The following EXOC4 variants were observed in gnomAD, a reference collection of about 807,000 sequenced individuals.
EXOC4 encodes SEC8-like 1.
Under a neutral mutation model 107.2 loss-of-function variants are expected in EXOC4, and 71 were observed. The ratio of observed to expected loss-of-function variants is 0.66; its 90% confidence interval spans 0.55 to 0.81. The LOEUF (loss-of-function observed/expected upper bound fraction) is 0.81. EXOC4 is among the 30% of genes least tolerant of loss of function. The pLI is 0.00. For missense variants in EXOC4, 1,108 were observed against 1,189.6 expected (o/e 0.93, Z 1.01); for synonymous variants, 456 against 441.2 (o/e 1.03, Z -0.42).
chr7:133,389,446 G>T (rs1199228208), intron 7 of EXOC4, among the ~76,000 whole-genome samples: 1 of 151,804 alleles, frequency 6.6e-6, no homozygotes, highest in Non-Finnish European at 1.5e-5. Flanking sequence ...GGTGGTGGGT[G>T]CCTGTAATCC....
At chr7:133,500,601 T>C (rs1296957443) in intron 9 of EXOC4, among the ~76,000 whole-genome samples, 4 of 152,198 alleles carry the variant, frequency 2.6e-5, no homozygotes, top group African/African-American at 9.6e-5. Flanking sequence ...GCCCTGAACA[T>C]TTGTGTGCAG....
At chr7:133,462,709 C>T (rs1419666862) in intron 7 of EXOC4, among the ~76,000 whole-genome samples, 1 of 152,006 alleles carries the variant, frequency 6.6e-6, no homozygotes, top group African/African-American at 2.4e-5. Context: ...ACCTGATGTA[C>T]AGCTAACATT....
intron 9 of EXOC4, among the ~76,000 whole-genome samples, chr7:133,486,015 G>A (rs1015590675): frequency 6.6e-6 from 1 of 152,046 alleles, no homozygotes; most frequent in African/African-American, 2.4e-5. Flanking sequence ...TACCTTTAGA[G>A]TGCCATTTTT....
chr7:133,936,471 G>A (rs577123224), intron 13 of EXOC4, among the ~76,000 whole-genome samples: 1 of 152,236 alleles, frequency 6.6e-6, no homozygotes, highest in South Asian at 2.1e-4. Flanking sequence ...GCTTGTTCTA[G>A]TTAAATTAAG....
intron 10 of EXOC4, among the ~76,000 whole-genome samples, chr7:133,681,432 G>A (rs1794184483): frequency 6.6e-6 from 1 of 152,014 alleles, no homozygotes; most frequent in Non-Finnish European, 1.5e-5. Context: ...AGAAAGGTCT[G>A]TAGTTGTGAC....
At chr7:133,324,980 CTT>C (rs969050096) in intron 5 of EXOC4, among the ~76,000 whole-genome samples, 22 of 152,120 alleles carry the variant, frequency 1.4e-4, no homozygotes, top group African/African-American at 5.1e-4. Context: ...TTCTTTGTCT[CTT>C]TTGATCTTTG....
chr7:133,973,348 A>G (rs1235299045), intron 14 of EXOC4, among the ~76,000 whole-genome samples: 1 of 152,220 alleles, frequency 6.6e-6, no homozygotes, highest in Non-Finnish European at 1.5e-5. Context: ...TGAAGGGTAA[A>G]TAGTAATAAG....
At chr7:133,560,317 G>A (rs562329852) in intron 9 of EXOC4, among the ~76,000 whole-genome samples, 53 of 152,024 alleles carry the variant, frequency 3.5e-4, no homozygotes, top group East Asian at 1.7e-3. Context: ...CAGAGTCTCC[G>A]TCTGTGGCCC....
intron 10 of EXOC4, among the ~76,000 whole-genome samples, chr7:133,674,424 C>G (rs752364756): frequency 1.3e-5 from 2 of 152,112 alleles, no homozygotes; most frequent in South Asian, 4.1e-4. Context: ...AATTTTATCA[C>G]GATAATTACA....
intron 7 of EXOC4, among the ~76,000 whole-genome samples, chr7:133,459,560 T>C (rs541929129): frequency 6.6e-6 from 1 of 152,164 alleles, no homozygotes; most frequent in South Asian, 2.1e-4. Flanking sequence ...GGGTGAAGTT[T>C]GTTGGGGCAG....
intron 14 of EXOC4, among the ~76,000 whole-genome samples, chr7:133,963,341 T>C (rs567586888): frequency 1.8e-4 from 28 of 152,314 alleles, no homozygotes; most frequent in African/African-American, 6.5e-4. Flanking sequence ...GGGTATACAT[T>C]AAGGGTTTAG....
chr7:133,425,620 G>A (rs1271354927), intron 7 of EXOC4, among the ~76,000 whole-genome samples: 2 of 152,108 alleles, frequency 1.3e-5, no homozygotes, highest in African/African-American at 4.8e-5. Context: ...TGAAAGACTG[G>A]CTCAGGTCAT....
In EXOC4 at chr7:133,397,888, T is replaced by G. The variant is rs538355639; in HGVS notation, c.1182+22886T>G. Among the ~76,000 whole-genome samples the G allele has an allele frequency of 3.3e-5, 5 of 152,344 alleles. No homozygotes were observed. The East Asian group carries it at 9.6e-4, about 29-fold the overall frequency. On this transcript the variant is annotated intron_variant, in intron 7 of 17. Coordinates refer to ENST00000253861, the MANE Select transcript of EXOC4 (RefSeq NM_021807.4). ...CCCCACATTTATAATGCCATTATTA[T>G]TCTTAGTTTGTAGGTGACAAAAATG...
Position 133,857,160 on chromosome 7 carries a change from A to G in EXOC4, c.1735-38439A>G, listed in dbSNP as rs373087981. ...TATACACATACACGTATATATATAT[A>G]TATATATATATATATATATATATAT... On this transcript the variant is annotated intron_variant, in intron 11 of 17. Transcript: ENST00000253861. Among the ~76,000 whole-genome samples, 30 of 9,772 alleles carry G rather than the reference A, an allele frequency of 3.1e-3. 1 individual carries two copies. In the South Asian group the frequency reaches 0.032, roughly 10 times the overall value. The allele number at this position is 9,772 out of a possible 152,430, so 6.4% of individuals were successfully genotyped here.
At chr7:133,477,091 C>T (rs1350808283) in intron 8 of EXOC4, among the ~76,000 whole-genome samples, 1 of 152,200 alleles carries the variant, frequency 6.6e-6, no homozygotes, top group Non-Finnish European at 1.5e-5. Flanking sequence ...CCCCGCTTCT[C>T]TGCATTTTAC....
At chr7:133,432,708 C>G (rs1029056658) in intron 7 of EXOC4, among the ~76,000 whole-genome samples, 1 of 152,206 alleles carries the variant, frequency 6.6e-6, no homozygotes, top group African/African-American at 2.4e-5. Context: ...GCTTTCCACT[C>G]TCTTCCAGTT....
chr7:133,931,779 A>C (rs528875926), intron 13 of EXOC4, among the ~76,000 whole-genome samples: 215 of 152,258 alleles, frequency 1.4e-3, no homozygotes, highest in African/African-American at 4.8e-3. Flanking sequence ...TCTGCTACCA[A>C]CCCAGCCTCC....
intron 7 of EXOC4, among the ~76,000 whole-genome samples, chr7:133,443,046 G>T (rs1798138990): frequency 6.6e-6 from 1 of 152,184 alleles, no homozygotes. Flanking sequence ...TGTTTGTGAA[G>T]TAGTGGAGTG....
intron 17 of EXOC4, among the ~76,000 whole-genome samples, chr7:134,056,826 C>G (rs1398792760): frequency 1.3e-5 from 2 of 152,154 alleles, no homozygotes; most frequent in East Asian, 3.9e-4. Context: ...AATTTTCTCC[C>G]CATTTCAATG....
Sources: allele counts gnomAD v4.1 joint callset (sites outside exome capture counted in the v4.1 genomes callset), GRCh38; gene constraint gnomAD v4.1.1; transcripts MANE v1.5; gene names NCBI Gene and HGNC (gene_info 2026-07-23, HGNC 2026-07-21).